Variants in ZNF831 observed in about 807,000 individuals in gnomAD.
ZNF831 encodes the protein zinc finger protein 831.
In ZNF831, 59 loss-of-function variants were observed where a neutral mutation model predicts 95.8. The ratio of observed to expected loss-of-function variants is 0.62; its 90% CI spans 0.50 to 0.77. ZNF831 has a LOEUF of 0.77. Among genes scored for constraint, ZNF831 ranks in the 30% least tolerant of loss-of-function variants. ZNF831 has a pLI of 0.00. For missense variants in ZNF831, 2,205 were observed against 2,164.0 expected, an observed-to-expected ratio of 1.02 and a Z score of -0.38; for synonymous variants, 961 against 925.5, an observed-to-expected ratio of 1.04 and a Z score of -0.70.
chr20:59,210,262 C>T (rs1029652079), intron 4 of ZNF831, among the ~76,000 whole-genome samples: 2 of 152,236 alleles, frequency 1.3e-5, no homozygotes, highest in African/African-American at 4.8e-5. Context: ...AGGACATGCT[C>T]CACACTTGGG....
intron 4 of ZNF831, among the ~76,000 whole-genome samples, chr20:59,244,358 A>C (rs1422883151): frequency 6.6e-6 from 1 of 152,064 alleles, no homozygotes; most frequent in African/African-American, 2.4e-5. Context: ...GTGTGTGAGG[A>C]TTTATCTCTG....
At chr20:59,166,443 C>G (rs1170286471) in intron 1 of ZNF831, among the ~76,000 whole-genome samples, 2 of 152,056 alleles carry the variant, frequency 1.3e-5, no homozygotes, top group Non-Finnish European at 2.9e-5. Context: ...TGTTTTTTAC[C>G]CAGTTTCCTC....
chr20:59,217,370 G>C lies in ZNF831; in HGVS notation c.4027+10314G>C, dbSNP rs1396828556. Among the ~76,000 whole-genome samples, 2 of 152,220 alleles carry C rather than the reference G, an allele frequency of 1.3e-5. No individual in the cohort carries two copies. The highest frequency in any genetic ancestry group is 2.9e-5 in the Non-Finnish European group (2 of 68,038). ...ATGAAGCCATTCTCCTATTAACGAA[G>C]AGTTTGGTCATCACCAGTGTTTCAC... On this transcript the variant is annotated intron_variant, in intron 4 of 5. Coordinates refer to ENST00000371030, the MANE Select transcript of ZNF831 (RefSeq NM_178457.3). This position sits in a 1 kb window ranked among gnomAD's most constrained non-coding sequence, Gnocchi z 4.4.
At position 59,192,078 on chromosome 20, in the gene ZNF831, G is replaced by T. The variant is rs1983604263; in HGVS notation, c.1059G>T (p.Ala353=). ...GGTACCTGTCGCGCTCCGACAGCGC[G>T]GAGCAGCCGCATGCGCCCTGCAGCC... is the stretch of plus-strand genomic sequence containing the variant. ...DSGYLSRSDS[A]EQPHAPCSPL... Residue 353 remains alanine, a synonymous_variant, in exon 2 of 6, where the codon GCG becomes GCT. Transcript: ENST00000371030. This position sits in a 1 kb window ranked among gnomAD's most constrained non-coding sequence, Gnocchi z 5.2. The T allele has an allele frequency of 1.9e-6, 3 of 1,604,140 alleles. No homozygotes were observed. Among genetic ancestry groups the T allele is most frequent in the East Asian group, 2.2e-5 (1 of 44,768 alleles).
intron 1 of ZNF831, among the ~76,000 whole-genome samples, chr20:59,144,058 A>G (rs1979762560): frequency 6.6e-6 from 1 of 152,222 alleles, no homozygotes; most frequent in South Asian, 2.1e-4. Flanking sequence ...CTTAAGCAAG[A>G]GGAGGCATTT....
intron 1 of ZNF831, among the ~76,000 whole-genome samples, chr20:59,180,498 G>T (rs1393742572): frequency 1.3e-5 from 2 of 152,000 alleles, no homozygotes; most frequent in Non-Finnish European, 2.9e-5. Flanking sequence ...TTAGATATTT[G>T]TCCTAATGGT....
chr20:59,148,551 G>A (rs924059286), intron 2 of ZNF831, among the ~76,000 whole-genome samples: 11 of 138,188 alleles, frequency 8.0e-5, no homozygotes, highest in Admixed American at 2.1e-4. Flanking sequence ...ATGGTGGCGC[G>A]CGCCTGTAGT....
chr20:59,194,683 A>G lies in ZNF831; in HGVS notation c.3664A>G (p.Asn1222Asp), dbSNP rs1330564597. 6.2e-7 allele frequency: 1 copy of G among 1,611,822 alleles called. No homozygotes were observed. The highest frequency in any genetic ancestry group is 1.7e-5 in the Admixed American group (1 of 59,864). Reference sequence around the variant, plus strand: ...TAGCAGCCTCCGAGATGAGGGTCCCAATGGCCCTCCTGGGAGCAATGGAGG... The same window carrying G: ...TAGCAGCCTCCGAGATGAGGGTCCCGATGGCCCTCCTGGGAGCAATGGAGG... ...PGSSLRDEGPNGPPGSNGGWT... is the reference protein window; with the variant it reads ...PGSSLRDEGPDGPPGSNGGWT... Residue 1222 changes from asparagine (N) to aspartate (D), a missense_variant, in exon 2 of 6, where the codon AAT becomes GAT. Asn to Asp is a conservative substitution (Grantham distance 23). Coordinates refer to ENST00000371030, the MANE Select transcript of ZNF831 (RefSeq NM_178457.3).
chr20:59,164,475 G>T (rs1981095283), intron 1 of ZNF831, among the ~76,000 whole-genome samples: 1 of 152,110 alleles, frequency 6.6e-6, no homozygotes, highest in Non-Finnish European at 1.5e-5. Flanking sequence ...ACATTTATAA[G>T]AAAATTTATT....
At chr20:59,241,892 A>G (rs1417055222) in intron 4 of ZNF831, among the ~76,000 whole-genome samples, 4 of 152,258 alleles carry the variant, frequency 2.6e-5, no homozygotes, top group Non-Finnish European at 5.9e-5. Context: ...GAAAAGTACA[A>G]TCGCCTAAGT....
intron 1 of ZNF831, among the ~76,000 whole-genome samples, chr20:59,168,053 A>G (rs900544558): frequency 6.6e-6 from 1 of 152,100 alleles, no homozygotes; most frequent in African/African-American, 2.4e-5. Context: ...CTTTCTTCAA[A>G]CTTGTTTGAG....
intron 4 of ZNF831, 114 bp downstream of exon 4, chr20:59,207,170 A>C: frequency 7.8e-7 from 1 of 1,284,842 alleles, no homozygotes. Context: ...CACAGGGGTC[A>C]GGCCCAAAAG....
chr20:59,209,461 G>A (rs114607984), intron 4 of ZNF831, among the ~76,000 whole-genome samples: 2,019 of 152,272 alleles, frequency 0.013, 16 homozygotes, highest in African/African-American at 0.028. Flanking sequence ...TCTGGACTGG[G>A]GATTGAGTGG....
chr20:59,157,467 C>T (rs1238334508), intron 2 of ZNF831, among the ~76,000 whole-genome samples: 4 of 152,062 alleles, frequency 2.6e-5, no homozygotes, highest in African/African-American at 9.7e-5. Flanking sequence ...GCCCTGCCAC[C>T]TTCCAAAAAG....
At chr20:59,221,738 TTAAC>T (rs1986088012) in intron 4 of ZNF831, among the ~76,000 whole-genome samples, 1 of 152,234 alleles carries the variant, frequency 6.6e-6, no homozygotes, top group Non-Finnish European at 1.5e-5. Flanking sequence ...GCTTATTTCC[TTAAC>T]TTCCAAAGGA....
At chr20:59,147,415 G>A (rs143645752) in intron 2 of ZNF831, among the ~76,000 whole-genome samples, 428 of 152,362 alleles carry the variant, frequency 2.8e-3, no homozygotes, top group Non-Finnish European at 4.4e-3. Context: ...CATGTGTCCA[G>A]AATGTTCTGC....
Position 59,225,092 on chromosome 20 carries a change from A to ATTAAT in ZNF831, c.4027+18038_4027+18039insAATTT, listed in dbSNP as rs1394314914. 4.6e-5 allele frequency among the ~76,000 whole-genome samples: 7 copies of ATTAAT among 151,980 alleles called. No individual in the cohort carries two copies. In the South Asian group the frequency reaches 1.5e-3, roughly 31 times the overall value. On this transcript the variant is annotated intron_variant, in intron 4 of 5. Coordinates refer to ENST00000371030, the MANE Select transcript of ZNF831 (RefSeq NM_178457.3). The stretch of plus-strand genomic sequence containing the variant: ...TTGTGTTTAATTTCAATTAATCTGG[A>ATTAAT]TTCATTTAAGTAATATTCCATTATA...
intron 1 of ZNF831, among the ~76,000 whole-genome samples, chr20:59,125,471 G>A (rs1979143695): frequency 6.6e-6 from 1 of 152,080 alleles, no homozygotes; most frequent in African/African-American, 2.4e-5. Context: ...ATCACCCTCT[G>A]TTCCTTAGTG....
chr20:59,195,356 C>G (rs1433600306), intron 2 of ZNF831, among the ~76,000 whole-genome samples: 1 of 152,202 alleles, frequency 6.6e-6, no homozygotes, highest in African/African-American at 2.4e-5. Flanking sequence ...CTTAGTCCTG[C>G]TCTGGAGTGG....
Sources: allele counts gnomAD v4.1 joint callset (sites outside exome capture counted in the v4.1 genomes callset), GRCh38; gene constraint gnomAD v4.1.1; non-coding constraint Gnocchi (gnomAD v3.1); transcripts MANE v1.5; gene names NCBI Gene and HGNC (gene_info 2026-07-23, HGNC 2026-07-21).